UNC13B: variants seen among roughly 807,000 people sequenced by gnomAD.
UNC13B encodes the protein protein unc-13 homolog B.
A neutral mutation model predicts 211.0 loss-of-function variants in UNC13B; 144 were observed. The ratio of observed to expected loss-of-function variants is 0.68; its 90% CI spans 0.60 to 0.78. The LOEUF (loss-of-function observed/expected upper bound fraction) is 0.78. Ranked by LOEUF, UNC13B falls within the 30% of genes least tolerant of loss-of-function variation. The pLI, the probability that UNC13B is intolerant of heterozygous loss-of-function variation, is 0.00. For missense variants in UNC13B, 1,777 were observed against 2,002.0 expected (o/e 0.89, Z 2.14); for synonymous variants, 709 against 725.8 (o/e 0.98, Z 0.37).
intron 11 of UNC13B, among the ~76,000 whole-genome samples, chr9:35,364,883 T>G (rs774369617): frequency 6.6e-6 from 1 of 152,234 alleles, no homozygotes. Context: ...CTGATTACCC[T>G]CCTTTTCTCC....
intron 7 of UNC13B, among the ~76,000 whole-genome samples, chr9:35,290,850 C>T (rs748356549): frequency 1.3e-5 from 2 of 151,928 alleles, no homozygotes; most frequent in African/African-American, 2.4e-5. Context: ...GTTAGTCTCT[C>T]TCTATAGTGA....
chr9:35,259,941 G>A (rs149181681), intron 7 of UNC13B, among the ~76,000 whole-genome samples: 64 of 145,970 alleles, frequency 4.4e-4, no homozygotes, highest in Non-Finnish European at 8.2e-4. Flanking sequence ...TGTAGGCTGG[G>A]CATGGTTCCC....
intron 7 of UNC13B, among the ~76,000 whole-genome samples, chr9:35,282,844 T>C (rs1193117687): frequency 6.6e-6 from 1 of 152,224 alleles, no homozygotes; most frequent in Non-Finnish European, 1.5e-5. Flanking sequence ...ATGGTTTTGT[T>C]TGACTTACAG....
intron 11 of UNC13B, chr9:35,352,370 A>G: frequency 8.1e-7 from 1 of 1,232,220 alleles, no homozygotes; most frequent in Non-Finnish European, 1.0e-6. Flanking sequence ...TCTAGAGCAT[A>G]GAGACTTCAT....
chr9:35,330,779 G>A (rs1479374877), intron 11 of UNC13B, among the ~76,000 whole-genome samples: 1 of 152,184 alleles, frequency 6.6e-6, no homozygotes, highest in Admixed American at 6.5e-5. Context: ...ACTGAGCCTG[G>A]TGAATTATAG....
intron 1 of UNC13B, among the ~76,000 whole-genome samples, chr9:35,196,985 G>C (rs1361163890): frequency 6.6e-6 from 1 of 151,958 alleles, no homozygotes; most frequent in Non-Finnish European, 1.5e-5. Flanking sequence ...TGCCCAGGCT[G>C]GTCTTGAGCT....
chr9:35,354,856 A>T (rs1284204675), intron 11 of UNC13B, among the ~76,000 whole-genome samples: 1 of 152,216 alleles, frequency 6.6e-6, no homozygotes, highest in Non-Finnish European at 1.5e-5. Context: ...TCAAAATTAC[A>T]AATATATATA....
At chr9:35,204,727 A>G (rs1405128405) in intron 1 of UNC13B, among the ~76,000 whole-genome samples, 1 of 152,162 alleles carries the variant, frequency 6.6e-6, no homozygotes, top group Non-Finnish European at 1.5e-5. Flanking sequence ...CCCCCATTAT[A>G]TCTTCAAAGT....
intron 1 of UNC13B, among the ~76,000 whole-genome samples, chr9:35,178,023 C>T (rs1172195861): frequency 2.6e-5 from 4 of 152,130 alleles, no homozygotes; most frequent in African/African-American, 4.8e-5. Context: ...TGGCAGTCCA[C>T]GTGTTAAGGT....
chr9:35,183,862 C>T (rs1245075741), intron 1 of UNC13B, among the ~76,000 whole-genome samples: 11 of 140,962 alleles, frequency 7.8e-5, no homozygotes, highest in Non-Finnish European at 1.1e-4. Flanking sequence ...CGGGCAGAGG[C>T]GCTCCTTGCC....
rs1369334235 is a variant in UNC13B, at chr9:35,328,650, TCCTTCCTTCCTTCCTC to T, written c.9414+14665_9414+14680del. Among the ~76,000 whole-genome samples the T allele has an allele frequency of 1.1e-3, 107 of 93,764 alleles. 4 individuals carry two copies. The highest frequency in any genetic ancestry group is 4.2e-3 in the African/African-American group (93 of 21,940). 61.5% of individuals were successfully genotyped at this position (93,764 alleles called of 152,430 possible). A position where few individuals can be genotyped will look rare whatever the true frequency, so the allele number is the denominator to read the frequency against. ...TTCCTTCCTTCCTTCCTTCCTTCCTTCCTTCCTTCCTTCCTCCCTCCCTTCCTTCCCTTCCCTTTCT... is the reference window on the plus strand; with the variant it reads ...TTCCTTCCTTCCTTCCTTCCTTCCTTCCTCCCTTCCTTCCCTTCCCTTTCT... On this transcript the variant is annotated intron_variant, in intron 11 of 39. Transcript: ENST00000635942.
At chr9:35,196,802 G>T (rs1011773145) in intron 1 of UNC13B, among the ~76,000 whole-genome samples, 17 of 152,130 alleles carry the variant, frequency 1.1e-4, no homozygotes, top group African/African-American at 3.9e-4. Context: ...GCATGGTCTT[G>T]CTCTGTTGCT....
rs1279458607 is a variant in UNC13B at position 35,248,156 on chromosome 9, T to C, written c.468+4792T>C. Among the ~76,000 whole-genome samples the C allele has an allele frequency of 2.0e-5, 3 of 152,218 alleles. No homozygotes were observed. In the East Asian group the frequency reaches 5.8e-4, roughly 29 times the overall value. The stretch of plus-strand genomic sequence containing the variant: ...TTTATTTGCGTAGAGGTGTTTATAG[T>C]ATTCTCTGATGGTAGTTTGTATTTC... On this transcript the variant is annotated intron_variant, in intron 6 of 39. Transcript: ENST00000635942.
At chr9:35,243,422 A>G in intron 6 of UNC13B, 58 bp downstream of exon 6, 2 of 1,587,626 alleles carry the variant, frequency 1.3e-6, no homozygotes, top group Non-Finnish European at 1.7e-6. Context: ...AATGCTCTTT[A>G]TAGGTTGCCC....
At chr9:35,181,410 G>T (rs1237702625) in intron 1 of UNC13B, among the ~76,000 whole-genome samples, 1 of 152,154 alleles carries the variant, frequency 6.6e-6, no homozygotes, top group African/African-American at 2.4e-5. Flanking sequence ...TAGTAACTGA[G>T]ATATGACCTG....
At chr9:35,212,053 C>T (rs1254605132) in intron 1 of UNC13B, among the ~76,000 whole-genome samples, 2 of 152,196 alleles carry the variant, frequency 1.3e-5, no homozygotes, top group Non-Finnish European at 2.9e-5. Context: ...TTGAGTGTAG[C>T]TATTCTGAGT....
At chr9:35,240,835 C>G (rs568416780) in intron 5 of UNC13B, among the ~76,000 whole-genome samples, 2 of 152,060 alleles carry the variant, frequency 1.3e-5, no homozygotes, top group East Asian at 3.9e-4. Context: ...GTGGGTGGAT[C>G]ATGAGGTCAG....
At chr9:35,351,178 G>T in intron 11 of UNC13B, 1 of 547,454 alleles carries the variant, frequency 1.8e-6, no homozygotes, top group Non-Finnish European at 2.3e-6. Context: ...GGCAGGTCAG[G>T]GTTGATTCCT....
intron 21 of UNC13B, 26 bp from the exon 22 acceptor site, chr9:35,384,220 C>T: frequency 1.2e-6 from 2 of 1,613,044 alleles, no homozygotes; most frequent in Non-Finnish European, 1.7e-6. Flanking sequence ...TCTTTTTCTT[C>T]CCCTTTATTT....
Sources: allele counts gnomAD v4.1 joint callset (sites outside exome capture counted in the v4.1 genomes callset), GRCh38; gene constraint gnomAD v4.1.1; transcripts MANE v1.5; gene names NCBI Gene and HGNC (gene_info 2026-07-23, HGNC 2026-07-21).